The following FANCI variants were observed in gnomAD, a reference collection of about 807,000 sequenced individuals.
FANCI encodes FA complementation group I, also known as Fanconi anemia group I protein.
FANCI carries 156 observed loss-of-function variants against 176.1 expected under a neutral mutation model. The ratio of observed to expected loss-of-function variants is 0.89; its 90% CI spans 0.78 to 1.01. FANCI has a LOEUF of 1.01. Ranked by LOEUF, FANCI falls within the 50% of genes least tolerant of loss-of-function variation. The pLI is 0.00. For synonymous variants in FANCI, 613 were observed against 541.7 expected (o/e 1.13, Z -1.83); for missense variants, 1,678 against 1,534.1 (o/e 1.09, Z -1.57).
chr15:89,292,982 T>TA lies in FANCI; in HGVS notation c.2216dup (p.Asn739LysfsTer2). ...TTTTCTCAGAGCACCAGTATTGGCA[T>TA]AAAAAATAATATCTGTGCTTTTCTT... is the stretch of plus-strand genomic sequence containing the variant. On this transcript the variant is annotated frameshift_variant, in exon 22 of 38. Transcript: ENST00000310775. LOFTEE classifies it high-confidence loss of function. 6.2e-7 allele frequency: 1 copy of TA among 1,614,092 alleles called. No homozygotes were observed. Among genetic ancestry groups the TA allele is most frequent in the Non-Finnish European group, 8.5e-7 (1 of 1,179,966 alleles).
chr15:89,296,837 G>A (rs28498673), intron 24 of FANCI, among the ~76,000 whole-genome samples: 57,494 of 137,904 alleles, frequency 0.42, 11,546 homozygotes, highest in African/African-American at 0.55. Flanking sequence ...CCCGGACGGG[G>A]CGGCTGGCCG....
chr15:89,274,407 A>C, intron 12 of FANCI, 103 bp downstream of exon 12: 2 of 1,322,396 alleles, frequency 1.5e-6, no homozygotes, highest in Admixed American at 1.8e-5. Flanking sequence ...CTGATGACTT[A>C]ACAGCTGTTG....
At position 89,316,668 on chromosome 15, in the gene FANCI, A is replaced by G. The variant is rs1490450747; in HGVS notation, c.*209A>G. ...GCCTTAGGCAAGCCCTTTTGCAAAAAGCACAGCTGAAAGCCTGAGTTTGGG... is the reference window on the plus strand; with the variant it reads ...GCCTTAGGCAAGCCCTTTTGCAAAAGGCACAGCTGAAAGCCTGAGTTTGGG... On this transcript the variant is annotated 3_prime_UTR_variant, in exon 38 of 38. Transcript: ENST00000310775. 50 of 1,295,212 alleles carry G rather than the reference A, an allele frequency of 3.9e-5. No individual in the cohort carries two copies. Among genetic ancestry groups the G allele is most frequent in the Admixed American group, 2.1e-4 (12 of 58,044 alleles). The allele number at this position is 1,295,212 out of a possible 1,614,324, so 80.2% of individuals were successfully genotyped here. A position where few individuals can be genotyped will look rare whatever the true frequency, so the allele number is the denominator to read the frequency against.
chr15:89,251,313 T>C (rs1479690447), intron 2 of FANCI, among the ~76,000 whole-genome samples: 1 of 152,200 alleles, frequency 6.6e-6, no homozygotes, highest in Non-Finnish European at 1.5e-5. Flanking sequence ...GAGAAAGTTA[T>C]GAAGGAACTA....
chr15:89,305,944 C>T, intron 31 of FANCI, 63 bp from the exon 32 acceptor site: 1 of 1,533,976 alleles, frequency 6.5e-7, no homozygotes, highest in Non-Finnish European at 9.0e-7. Flanking sequence ...ATTTCTAAAT[C>T]TCCTTTACTC....
chr15:89,272,960 C>G (rs1322302464), intron 10 of FANCI, among the ~76,000 whole-genome samples: 2 of 152,112 alleles, frequency 1.3e-5, no homozygotes, highest in Non-Finnish European at 2.9e-5. Context: ...AGCCACCACA[C>G]CCGGCCAAGG....
At position 89,305,816 on chromosome 15, in the gene FANCI, A is replaced by AT. The variant is rs1393677033; in HGVS notation, c.3349+124dup. 3.4e-6 allele frequency: 4 copies of AT among 1,183,846 alleles called. No homozygotes were observed. The African/African-American group carries it at 4.6e-5, about 14-fold the overall frequency. 73.3% of individuals were successfully genotyped at this position (1,183,846 alleles called of 1,614,324 possible). A position where few individuals can be genotyped will look rare whatever the true frequency, so the allele number is the denominator to read the frequency against. ...AATTTCTTATTTGCCTTTAAGCTAG[A>AT]TTTTTTCCTATGTGATGAAAGAAGT... On this transcript the variant is annotated intron_variant, in intron 31 of 37. Transcript: ENST00000310775.
At chr15:89,260,987 C>T (rs770881907) in intron 4 of FANCI, 144 bp downstream of exon 4, 8 of 1,067,028 alleles carry the variant, frequency 7.5e-6, no homozygotes, top group African/African-American at 3.1e-5. Flanking sequence ...AGAAGCAGGC[C>T]GGGCATGGTG....
At chr15:89,278,255 A>G (rs561764904) in intron 13 of FANCI, among the ~76,000 whole-genome samples, 95 of 152,324 alleles carry the variant, frequency 6.2e-4, no homozygotes, top group Middle Eastern at 3.4e-3. Flanking sequence ...TTTAACAGCA[A>G]CTGCTGTGCT....
rs1341847386 is a variant in FANCI, at chr15:89,303,758, C to T, written c.3007-106C>T. On this transcript the variant is annotated intron_variant, in intron 27 of 37. Transcript: ENST00000310775. ...CTTGAGATCTAAGGACATGTTTTGG[C>T]AGCTGATTTGCTTAGATATGGAAAG... 5 of 908,112 alleles carry T rather than the reference C, an allele frequency of 5.5e-6. No homozygotes were observed. The East Asian group carries it at 1.2e-4, about 22-fold the overall frequency. The allele number at this position is 908,112 out of a possible 1,614,324, so 56.3% of individuals were successfully genotyped here.
chr15:89,291,158 A>C (rs1299876494), intron 19 of FANCI, among the ~76,000 whole-genome samples: 1 of 152,200 alleles, frequency 6.6e-6, no homozygotes, highest in African/African-American at 2.4e-5. Flanking sequence ...TTATATGCCA[A>C]ATACTGTTTG....
chr15:89,317,105 CTA>C lies in FANCI; in HGVS notation c.*649_*650del, dbSNP rs1567183512. 2 of 592,212 alleles carry C rather than the reference CTA, an allele frequency of 3.4e-6. No individual in the cohort carries two copies. Among genetic ancestry groups the C allele is most frequent in the African/African-American group, 1.9e-5 (1 of 53,812 alleles). The allele number at this position is 592,212 out of a possible 1,614,324, so 36.7% of individuals were successfully genotyped here. A position where few individuals can be genotyped will look rare whatever the true frequency, so the allele number is the denominator to read the frequency against. ...CACCTATAGAGTGCAAGAATGCACT[CTA>C]TAGAATAAATTATCTTTAAACATTT... On this transcript the variant is annotated 3_prime_UTR_variant, in exon 38 of 38. Coordinates refer to ENST00000310775, the MANE Select transcript of FANCI (RefSeq NM_001113378.2).
intron 2 of FANCI, among the ~76,000 whole-genome samples, chr15:89,253,215 GAA>G (rs1357122337): frequency 4.6e-5 from 7 of 152,004 alleles, no homozygotes; most frequent in African/African-American, 1.7e-4. Flanking sequence ...TTAAAACACT[GAA>G]ATAAAGATAA....
At chr15:89,268,289 T>C (rs1423988920) in intron 9 of FANCI, 110 bp from the exon 10 acceptor site, 2 of 1,165,092 alleles carry the variant, frequency 1.7e-6, no homozygotes, top group African/African-American at 3.0e-5. Flanking sequence ...GAGGCTGGTC[T>C]TGAACTCCTG....
chr15:89,253,867 C>T (rs896007173), intron 2 of FANCI, among the ~76,000 whole-genome samples: 39 of 150,746 alleles, frequency 2.6e-4, no homozygotes, highest in African/African-American at 9.3e-4. Flanking sequence ...TAAAAATGGC[C>T]TTAAACATAA....
intron 18 of FANCI, among the ~76,000 whole-genome samples, chr15:89,289,282 TC>T (rs2053961602): frequency 6.6e-6 from 1 of 152,138 alleles, no homozygotes; most frequent in African/African-American, 2.4e-5. Flanking sequence ...TCCGTTCCTT[TC>T]CCCTTTCCCC....
chr15:89,283,762 T>TC (rs2151589898), intron 17 of FANCI, among the ~76,000 whole-genome samples: 1 of 151,276 alleles, frequency 6.6e-6, no homozygotes, highest in East Asian at 1.9e-4. Context: ...TTTCTTTCTT[T>TC]TTTTTTTTTT....
At chr15:89,298,946 G>A (rs1054307667) in intron 24 of FANCI, among the ~76,000 whole-genome samples, 1 of 152,108 alleles carries the variant, frequency 6.6e-6, no homozygotes, top group Non-Finnish European at 1.5e-5. Context: ...CGAAGCAGGT[G>A]GATCACCTGA....
chr15:89,249,126 C>T (rs2052119881), intron 2 of FANCI, among the ~76,000 whole-genome samples: 1 of 152,128 alleles, frequency 6.6e-6, no homozygotes, highest in African/African-American at 2.4e-5. Flanking sequence ...TATTAATCAG[C>T]TTTTTATCCT....
Sources: allele counts gnomAD v4.1 joint callset (sites outside exome capture counted in the v4.1 genomes callset), GRCh38; gene constraint gnomAD v4.1.1; transcripts MANE v1.5; gene names NCBI Gene and HGNC (gene_info 2026-07-23, HGNC 2026-07-21).